IL6ST: variants seen among roughly 807,000 people sequenced by gnomAD.
IL6ST encodes the protein interleukin-6 receptor subunit beta.
In IL6ST, 24 loss-of-function variants were observed where a neutral mutation model predicts 91.3. The observed-to-expected ratio is 0.26, with a 90% CI of 0.19 to 0.37. The LOEUF is 0.37. IL6ST is among the 10% of genes least tolerant of loss of function. IL6ST has a pLI of 1.00. For synonymous variants in IL6ST, 351 were observed against 373.6 expected, an observed-to-expected ratio of 0.94 and a Z score of 0.70; for missense variants, 914 against 1,078.5, an observed-to-expected ratio of 0.85 and a Z score of 2.14.
At chr5:55,988,575 T>C (rs1052644795) in intron 1 of IL6ST, among the ~76,000 whole-genome samples, 7 of 151,990 alleles carry the variant, frequency 4.6e-5, no homozygotes, top group African/African-American at 1.5e-4. Flanking sequence ...GAGACCAGCC[T>C]GACCAACATA....
intron 3 of IL6ST, among the ~76,000 whole-genome samples, chr5:55,971,865 C>A (rs999945397): frequency 6.6e-6 from 1 of 152,110 alleles, no homozygotes; most frequent in Non-Finnish European, 1.5e-5. Context: ...CCTGTAAAAC[C>A]CAGAGCTGGA....
At chr5:55,971,777 T>C (rs1752981102) in intron 3 of IL6ST, among the ~76,000 whole-genome samples, 2 of 152,172 alleles carry the variant, frequency 1.3e-5, no homozygotes, top group Non-Finnish European at 2.9e-5. Context: ...AAGGCTGCAG[T>C]GAGCCCAGAA....
intron 15 of IL6ST, among the ~76,000 whole-genome samples, chr5:55,944,096 C>T (rs2111608343): frequency 6.6e-6 from 1 of 152,036 alleles, no homozygotes; most frequent in East Asian, 1.9e-4. Context: ...AAAAACCCCA[C>T]AAAGCAAAAA....
chr5:55,965,481 G>C (rs6893235), intron 5 of IL6ST, among the ~76,000 whole-genome samples: 9 of 151,890 alleles, frequency 5.9e-5, no homozygotes, highest in African/African-American at 2.2e-4. Flanking sequence ...TAGCTCTTTC[G>C]ACTGAAAAAA....
intron 15 of IL6ST, 57 bp from the exon 16 acceptor site, chr5:55,942,808 T>G: frequency 4.5e-6 from 4 of 895,752 alleles, no homozygotes; most frequent in Non-Finnish European, 7.3e-6. Flanking sequence ...CAATAAATAG[T>G]CCCTATTTCT....
At chr5:55,954,762 AAG>A (rs750408567) in intron 11 of IL6ST, 46 bp downstream of exon 11, 1 of 1,429,296 alleles carries the variant, frequency 7.0e-7, no homozygotes, top group African/African-American at 1.4e-5. Flanking sequence ...AAGCTGCCTA[AAG>A]AGTTAGAAAA....
chr5:55,936,083 A>AT lies in IL6ST; in HGVS notation c.*4998dup, dbSNP rs1027222912. On this transcript the variant is annotated 3_prime_UTR_variant, in exon 17 of 17. Transcript: ENST00000381298. ...GCTTGTGGGTTTTTTGACTCACTACATTTTTTTAGACAAAATCACAATGTG... is the reference window on the plus strand; with the variant it reads ...GCTTGTGGGTTTTTTGACTCACTACATTTTTTTTAGACAAAATCACAATGTG... 2 of 228,128 alleles carry AT rather than the reference A, an allele frequency of 8.8e-6. No individual in the cohort carries two copies. Among genetic ancestry groups the AT allele is most frequent in the African/African-American group, 2.2e-5 (1 of 45,048 alleles). The allele number at this position is 228,128 out of a possible 1,614,324, so 14.1% of individuals were successfully genotyped here.
rs1163770076 is a variant in IL6ST at position 55,940,378 on chromosome 5, A to G, written c.*704T>C. On this transcript the variant is annotated 3_prime_UTR_variant, in exon 17 of 17. Transcript: ENST00000381298. ...CATCTTCAAAGAGGTTGTCAATAAT[A>G]TGCAAATTTTTGAAAACTAGTGAGA... 3 of 208,792 alleles carry G rather than the reference A, an allele frequency of 1.4e-5. No homozygotes were observed. Among genetic ancestry groups the G allele is most frequent in the African/African-American group, 2.3e-5 (1 of 44,080 alleles). 12.9% of individuals were successfully genotyped at this position (208,792 alleles called of 1,614,324 possible).
At position 55,936,510 on chromosome 5, in the gene IL6ST, A is replaced by ACACAACCCACAT. The variant is rs1258712214; in HGVS notation, c.*4571_*4572insATGTGGGTTGTG. On this transcript the variant is annotated 3_prime_UTR_variant, in exon 17 of 17. Transcript: ENST00000381298. ...CTGGTTTTCTTTTAAATCACATTCC[A>ACACAACCCACAT]TTATGTCATTTAAAATGTCACAAAA... is the stretch of plus-strand genomic sequence containing the variant. 6 of 213,358 alleles carry ACACAACCCACAT rather than the reference A, an allele frequency of 2.8e-5. No individual in the cohort carries two copies. The highest frequency in any genetic ancestry group is 5.7e-5 in the Non-Finnish European group (6 of 105,670). 13.2% of individuals were successfully genotyped at this position (213,358 alleles called of 1,614,324 possible).
At chr5:55,981,502 G>A (rs1753669040) in intron 2 of IL6ST, among the ~76,000 whole-genome samples, 1 of 152,100 alleles carries the variant, frequency 6.6e-6, no homozygotes. Flanking sequence ...AATTAGCCGG[G>A]CATGGTGGCG....
At chr5:55,985,566 T>C (rs1377784442) in intron 1 of IL6ST, among the ~76,000 whole-genome samples, 2 of 152,064 alleles carry the variant, frequency 1.3e-5, no homozygotes, top group East Asian at 3.9e-4. Context: ...AAAAAGGTTT[T>C]TTCCTACAAG....
At chr5:55,947,291 A>C (rs964856525) in intron 15 of IL6ST, among the ~76,000 whole-genome samples, 1 of 152,176 alleles carries the variant, frequency 6.6e-6, no homozygotes, top group African/African-American at 2.4e-5. Flanking sequence ...GCTGAGAAGA[A>C]GACAGATTAC....
intron 1 of IL6ST, among the ~76,000 whole-genome samples, chr5:55,990,026 C>T (rs1754221418): frequency 6.6e-6 from 1 of 152,090 alleles, no homozygotes; most frequent in Non-Finnish European, 1.5e-5. Flanking sequence ...ATCAATCAAC[C>T]TTAGAGCAAA....
In IL6ST at chr5:55,976,716, T is replaced by C. The variant is rs545687616; in HGVS notation, c.-15-423A>G. ...ATTTTCCCGATATATAAAGAATGCC[T>C]ACAAATCACTAAAAAATTCTAACAC... is the stretch of plus-strand genomic sequence containing the variant. On this transcript the variant is annotated intron_variant, in intron 2 of 16. Transcript: ENST00000381298. 2.0e-5 allele frequency among the ~76,000 whole-genome samples: 3 copies of C among 152,316 alleles called. No homozygotes were observed. The South Asian group carries it at 6.2e-4, about 32-fold the overall frequency.
At chr5:55,968,055 C>T (rs529470446) in intron 5 of IL6ST, among the ~76,000 whole-genome samples, 12 of 152,240 alleles carry the variant, frequency 7.9e-5, no homozygotes, top group Admixed American at 1.3e-4. Context: ...CCTCAGCCTC[C>T]GTAAGTGCTG....
chr5:55,994,415 AGT>A (rs1754523507), intron 1 of IL6ST, among the ~76,000 whole-genome samples: 1 of 152,196 alleles, frequency 6.6e-6, no homozygotes, highest in African/African-American at 2.4e-5. Flanking sequence ...AATGAAGACA[AGT>A]GCGGAGCGAA....
At position 55,941,426 on chromosome 5, in the gene IL6ST, C is replaced by G; in HGVS notation, c.2413G>C (p.Gly805Arg). The change falls in exon 17 of 17, where the codon GGT (glycine) becomes CGT (arginine). Residue 805 changes from glycine to arginine, a missense_variant. Gly to Arg is a moderately radical substitution (Grantham distance 125, BLOSUM62 -2). Coordinates refer to ENST00000381298, the MANE Select transcript of IL6ST (RefSeq NM_002184.4). ...TGTTGCCTGGGCAAAATACCATCACCGCCATCTACATGATCTACTAATTGT... is the reference window on the plus strand; with the variant it reads ...TGTTGCCTGGGCAAAATACCATCACGGCCATCTACATGATCTACTAATTGT... Reference protein sequence around the residue: ...DLQLVDHVDGGDGILPRQQYF... With the variant: ...DLQLVDHVDGRDGILPRQQYF... 6.2e-7 allele frequency: 1 copy of G among 1,614,160 alleles called. No individual in the cohort carries two copies. The highest frequency in any genetic ancestry group is 8.5e-7 in the Non-Finnish European group (1 of 1,180,004).
intron 3 of IL6ST, among the ~76,000 whole-genome samples, chr5:55,971,574 G>A (rs1752965073): frequency 6.6e-6 from 1 of 152,096 alleles, no homozygotes; most frequent in Non-Finnish European, 1.5e-5. Context: ...TATTTGCTGT[G>A]GGGTTCCTGG....
chr5:55,941,505 T>C lies in IL6ST; in HGVS notation c.2334A>G (p.Ser778=). The change falls in exon 17 of 17, where the codon TCA becomes TCG. Residue 778 remains serine, a synonymous_variant. Coordinates refer to ENST00000381298, the MANE Select transcript of IL6ST (RefSeq NM_002184.4). ...ACAAGGGCTGGGTAGACTCGGATCTTGAGAAGACTTGGACTGACGGAACTT... is the reference window on the plus strand; with the variant it reads ...ACAAGGGCTGGGTAGACTCGGATCTCGAGAAGACTTGGACTGACGGAACTT... ...RHQVPSVQVF[S]RSESTQPLLD... is the part of the protein sequence containing the mutation. 1 of 1,614,164 alleles carries C rather than the reference T, an allele frequency of 6.2e-7. No individual in the cohort carries two copies. Among genetic ancestry groups the C allele is most frequent in the Non-Finnish European group, 8.5e-7 (1 of 1,179,998 alleles).
Sources: gnomAD v4.1 joint callset for allele counts (sites outside exome capture counted in the v4.1 genomes callset) on GRCh38, gnomAD v4.1.1 for gene constraint, MANE v1.5 for transcripts, NCBI Gene and HGNC (gene_info 2026-07-23, HGNC 2026-07-21) for gene names.